Variants in ROBO1 observed in about 807,000 individuals in gnomAD.
ROBO1 encodes the protein roundabout homolog 1.
Under a neutral mutation model 195.9 loss-of-function variants are expected in ROBO1, and 149 were observed. The observed-to-expected ratio is 0.76, with a 90% CI of 0.67 to 0.87. ROBO1 has a LOEUF of 0.87. Among genes scored for constraint, ROBO1 ranks in the 40% least tolerant of loss-of-function variants. The pLI is 0.00. For missense variants in ROBO1, 1,933 were observed against 2,068.3 expected (o/e 0.93, Z 1.27); for synonymous variants, 816 against 733.2 (o/e 1.11, Z -1.82).
intron 8 of ROBO1, among the ~76,000 whole-genome samples, chr3:78,702,087 A>G (rs1214353552): frequency 2.6e-5 from 4 of 152,196 alleles, no homozygotes; most frequent in African/African-American, 9.6e-5. Context: ...TGTATTTTTA[A>G]ATTACTAAGA....
At chr3:79,142,975 G>A (rs765492749) in intron 2 of ROBO1, among the ~76,000 whole-genome samples, 9 of 152,050 alleles carry the variant, frequency 5.9e-5, no homozygotes, top group Middle Eastern at 3.2e-3. Context: ...GCAACATTTG[G>A]CATTTGAAAA....
intron 2 of ROBO1, among the ~76,000 whole-genome samples, chr3:79,516,758 G>A (rs1271217321): frequency 2.0e-5 from 3 of 152,114 alleles, no homozygotes; most frequent in Non-Finnish European, 2.9e-5. Flanking sequence ...TGCCAGTTGT[G>A]TTTGAGTACA....
chr3:79,250,296 T>C (rs2082696401), intron 2 of ROBO1, among the ~76,000 whole-genome samples: 1 of 152,202 alleles, frequency 6.6e-6, no homozygotes, highest in Non-Finnish European at 1.5e-5. Context: ...GATGTCCTAA[T>C]TGTACTGCTT....
At chr3:79,181,585 A>C (rs1006062523) in intron 2 of ROBO1, among the ~76,000 whole-genome samples, 2 of 152,214 alleles carry the variant, frequency 1.3e-5, no homozygotes, top group Non-Finnish European at 2.9e-5. Context: ...TGCAAGACAG[A>C]GTTGACAATC....
At position 78,771,213 on chromosome 3, in the gene ROBO1, C is replaced by T. The variant is rs148039256; in HGVS notation, c.500-24313G>A. On this transcript the variant is annotated intron_variant, in intron 4 of 30. Transcript: ENST00000464233. ...CAAAGATTAGATGGCTGTAGGTGCA[C>T]GGCTTTATTTCTGGGTTCTCTATTC... Among the ~76,000 whole-genome samples, 40 of 152,222 alleles carry T rather than the reference C, an allele frequency of 2.6e-4. No homozygotes were observed. The East Asian group carries it at 6.4e-3, about 24-fold the overall frequency.
At chr3:79,687,336 C>T (rs1947150315) in intron 1 of ROBO1, among the ~76,000 whole-genome samples, 1 of 152,014 alleles carries the variant, frequency 6.6e-6, no homozygotes, top group Non-Finnish European at 1.5e-5. Flanking sequence ...GTCTAAAACA[C>T]CAAAAGCAAT....
At chr3:79,633,727 TAA>T (rs11328587) in intron 1 of ROBO1, among the ~76,000 whole-genome samples, 7 of 151,300 alleles carry the variant, frequency 4.6e-5, no homozygotes, top group Non-Finnish European at 7.4e-5. Context: ...AATAGTGATT[TAA>T]AAAAAAACAC....
intron 2 of ROBO1, among the ~76,000 whole-genome samples, chr3:79,184,230 A>T (rs1226652790): frequency 6.6e-6 from 1 of 152,162 alleles, no homozygotes; most frequent in African/African-American, 2.4e-5. Context: ...AGGATATTCT[A>T]CTGATCGTTA....
At chr3:79,247,281 C>T (rs899809504) in intron 2 of ROBO1, among the ~76,000 whole-genome samples, 2 of 149,790 alleles carry the variant, frequency 1.3e-5, no homozygotes, top group African/African-American at 4.9e-5. Flanking sequence ...TATAAAATGG[C>T]CCACCATTAA....
intron 11 of ROBO1, 89 bp downstream of exon 11, chr3:78,670,007 A>AT (rs1473462906): frequency 1.0e-6 from 1 of 968,306 alleles, no homozygotes; most frequent in Non-Finnish European, 1.5e-6. Context: ...CACTTCATTA[A>AT]TTGCAAAGTT....
At chr3:79,343,328 T>G (rs1167724195) in intron 2 of ROBO1, among the ~76,000 whole-genome samples, 2 of 152,198 alleles carry the variant, frequency 1.3e-5, no homozygotes, top group Admixed American at 1.3e-4. Context: ...AATAAAAGTT[T>G]CCTGCTTCTT....
intron 1 of ROBO1, among the ~76,000 whole-genome samples, chr3:79,592,815 G>T (rs1944046191): frequency 6.6e-6 from 1 of 151,986 alleles, no homozygotes; most frequent in Admixed American, 6.6e-5. Context: ...TTGAACAAAT[G>T]TATATGACAC....
chr3:79,002,078 C>A (rs2077517978), intron 3 of ROBO1, among the ~76,000 whole-genome samples: 1 of 151,978 alleles, frequency 6.6e-6, no homozygotes, highest in African/African-American at 2.4e-5. Flanking sequence ...CACACAGTGA[C>A]AAGAGACTAT....
chr3:79,593,877 A>G (rs186158895), intron 1 of ROBO1, among the ~76,000 whole-genome samples: 4 of 152,136 alleles, frequency 2.6e-5, no homozygotes, highest in Non-Finnish European at 5.9e-5. Context: ...TTGGCCTCCC[A>G]AACTGCTGGG....
At chr3:79,317,914 C>T (rs1235167602) in intron 2 of ROBO1, among the ~76,000 whole-genome samples, 1 of 151,986 alleles carries the variant, frequency 6.6e-6, no homozygotes, top group East Asian at 1.9e-4. Flanking sequence ...GCATAAACAA[C>T]TTTATGTGTG....
intron 1 of ROBO1, among the ~76,000 whole-genome samples, chr3:79,600,567 C>A (rs1944310491): frequency 6.6e-6 from 1 of 151,920 alleles, no homozygotes; most frequent in African/African-American, 2.4e-5. Context: ...TAGTTACCTC[C>A]AGAATTCCTT....
At chr3:78,896,551 T>C (rs1260417544) in intron 4 of ROBO1, among the ~76,000 whole-genome samples, 1 of 148,742 alleles carries the variant, frequency 6.7e-6, no homozygotes, top group East Asian at 2.0e-4. Flanking sequence ...CTCCACCGAC[T>C]ATCCCCAAAC....
chr3:78,637,956 C>A (rs1455475713), intron 22 of ROBO1, among the ~76,000 whole-genome samples: 1 of 143,308 alleles, frequency 7.0e-6, no homozygotes, highest in Non-Finnish European at 1.5e-5. Flanking sequence ...TTTAATATTT[C>A]CTATATTGGC....
intron 4 of ROBO1, among the ~76,000 whole-genome samples, chr3:78,847,085 G>C (rs17377726): frequency 6.6e-6 from 1 of 151,990 alleles, no homozygotes; most frequent in African/African-American, 2.4e-5. Context: ...CAGGGAAATC[G>C]ATTAATCAAA....
Sources: gnomAD v4.1 joint callset for allele counts (sites outside exome capture counted in the v4.1 genomes callset) on GRCh38, gnomAD v4.1.1 for gene constraint, MANE v1.5 for transcripts, NCBI Gene and HGNC (gene_info 2026-07-23, HGNC 2026-07-21) for gene names.